PARD3B: variants seen among roughly 807,000 people sequenced by gnomAD.
PARD3B encodes partitioning defective 3 homolog B.
In PARD3B, 103 loss-of-function variants were observed where a neutral mutation model predicts 130.2. That is an observed-to-expected ratio of 0.79 (90% CI 0.67 to 0.93). PARD3B has a LOEUF of 0.93. Ranked by LOEUF, PARD3B falls within the 40% of genes least tolerant of loss-of-function variation. The pLI is 0.00. For synonymous variants in PARD3B, 583 were observed against 553.2 expected (o/e 1.05, Z -0.76); for missense variants, 1,609 against 1,499.2 (o/e 1.07, Z -1.21).
intron 3 of PARD3B, among the ~76,000 whole-genome samples, chr2:205,008,161 G>T (rs1263138653): frequency 1.3e-5 from 2 of 151,978 alleles, no homozygotes; most frequent in Non-Finnish European, 2.9e-5. Flanking sequence ...TCCACATTTG[G>T]TGCATATCAT....
At chr2:204,831,585 A>G (rs1384507293) in intron 2 of PARD3B, among the ~76,000 whole-genome samples, 1 of 152,176 alleles carries the variant, frequency 6.6e-6, no homozygotes, top group Non-Finnish European at 1.5e-5. Flanking sequence ...GGTTACAGTT[A>G]GAGAGAAACA....
chr2:204,594,032 A>G (rs535120218), intron 1 of PARD3B, among the ~76,000 whole-genome samples: 1 of 152,362 alleles, frequency 6.6e-6, no homozygotes, highest in East Asian at 1.9e-4. Flanking sequence ...CAGTGGTTCC[A>G]TCAACACTCG....
Position 205,176,553 on chromosome 2 carries a change from T to C in PARD3B, c.1900T>C (p.Cys634Arg), listed in dbSNP as rs772630999. 1 of 1,611,660 alleles carries C rather than the reference T, an allele frequency of 6.2e-7. No individual in the cohort carries two copies. Among genetic ancestry groups the C allele is most frequent in the Non-Finnish European group, 8.5e-7 (1 of 1,178,766 alleles). Residue 634 changes from cysteine (C) to arginine (R), a missense_variant, in exon 13 of 23, where the codon TGC (cysteine) becomes CGC (arginine). Transcript: ENST00000406610. This position sits in a 1 kb window ranked among gnomAD's most constrained non-coding sequence, Gnocchi z 5.3. ...DNSILHPLGT[C>R]SPQDKQKGLL... is the part of the protein sequence containing the mutation. ...TAGTATCCTGCATCCACTTGGCACT[T>C]GCAGTCCACAAGACAAACAGAAAGG...
chr2:205,415,477 A>G (rs2046743301), intron 19 of PARD3B, among the ~76,000 whole-genome samples: 1 of 152,212 alleles, frequency 6.6e-6, no homozygotes, highest in Non-Finnish European at 1.5e-5. Context: ...ATCCAATGCC[A>G]AGAAAACTGA....
At position 204,545,583 on chromosome 2, in the gene PARD3B, C is replaced by T. The variant is rs2029875158; in HGVS notation, c.-417C>T. On this transcript the variant is annotated 5_prime_UTR_variant, in exon 1 of 23. Coordinates refer to ENST00000406610, the MANE Select transcript of PARD3B (RefSeq NM_001302769.2). Reference sequence around the variant, plus strand: ...GCCGCCGCCGCCGCCCACTCCAGCCCCCGGCTTGGGGCCGGCCCTGCCAAC... The same window carrying T: ...GCCGCCGCCGCCGCCCACTCCAGCCTCCGGCTTGGGGCCGGCCCTGCCAAC... Among the ~76,000 whole-genome samples, 1 of 152,064 alleles carries T rather than the reference C, an allele frequency of 6.6e-6. No homozygotes were observed. The highest frequency in any genetic ancestry group is 1.5e-5 in the Non-Finnish European group (1 of 67,982).
At chr2:205,502,237 CAAGTTAAGA>C (rs932439003) in intron 21 of PARD3B, among the ~76,000 whole-genome samples, 16 of 152,166 alleles carry the variant, frequency 1.1e-4, no homozygotes, top group African/African-American at 3.9e-4. Flanking sequence ...TCTAGGAAAG[CAAGTTAAGA>C]AAGTTAACAT....
At chr2:205,419,556 T>C (rs1045997684) in intron 19 of PARD3B, among the ~76,000 whole-genome samples, 2 of 152,106 alleles carry the variant, frequency 1.3e-5, no homozygotes, top group Non-Finnish European at 2.9e-5. Flanking sequence ...CCCCCATCTA[T>C]TGACATAGAT....
At chr2:205,211,644 C>T (rs1433639694) in intron 15 of PARD3B, among the ~76,000 whole-genome samples, 1 of 152,092 alleles carries the variant, frequency 6.6e-6, no homozygotes, top group Non-Finnish European at 1.5e-5. Context: ...TCAATACCCA[C>T]TTGGTTTCTA....
chr2:204,939,887 C>A (rs1688770298), intron 2 of PARD3B, among the ~76,000 whole-genome samples: 1 of 152,132 alleles, frequency 6.6e-6, no homozygotes, highest in East Asian at 1.9e-4. Flanking sequence ...TTTTCTCAAG[C>A]CATTGGCCCC....
At chr2:205,283,112 G>A (rs899579124) in intron 16 of PARD3B, among the ~76,000 whole-genome samples, 13 of 152,270 alleles carry the variant, frequency 8.5e-5, no homozygotes, top group African/African-American at 2.6e-4. Context: ...TGGCTGCTCC[G>A]CTCTATCTTA....
Position 205,125,868 on chromosome 2 carries a change from G to A in PARD3B, c.1434+131G>A. ...TAACCAAAATTGAATCACACTCAGG[G>A]TATTTTACCCCATTTGGGGTATCGC... On this transcript the variant is annotated intron_variant, in intron 10 of 22. Transcript: ENST00000406610. The surrounding 1 kb of genome is among the most constrained non-coding windows in gnomAD (Gnocchi z 4.0). 8 of 1,260,918 alleles carry A rather than the reference G, an allele frequency of 6.3e-6. 1 individual carries two copies. In the South Asian group the frequency reaches 1.2e-4, roughly 18 times the overall value. The allele number at this position is 1,260,918 out of a possible 1,614,324, so 78.1% of individuals were successfully genotyped here. A position where few individuals can be genotyped will look rare whatever the true frequency, so the allele number is the denominator to read the frequency against.
chr2:204,783,387 G>C (rs1257142778), intron 2 of PARD3B, among the ~76,000 whole-genome samples: 1 of 152,034 alleles, frequency 6.6e-6, no homozygotes, highest in Admixed American at 6.6e-5. Flanking sequence ...TTTAAAGTCG[G>C]TTCTTTTCTT....
chr2:205,455,616 A>G lies in PARD3B; in HGVS notation c.3044+14944A>G, dbSNP rs554692345. On this transcript the variant is annotated intron_variant, in intron 20 of 22. Transcript: ENST00000406610. ...ATTTGTCTTTACATTTTCTGTAACC[A>G]TATAGTTATAATTATTATATAGTCA... Among the ~76,000 whole-genome samples the G allele has an allele frequency of 3.0e-4, 46 of 152,060 alleles. No individual in the cohort carries two copies. In the South Asian group the frequency reaches 9.1e-3, roughly 30 times the overall value.
At chr2:205,095,433 C>G in intron 4 of PARD3B, among the ~76,000 whole-genome samples, 1 of 152,108 alleles carries the variant, frequency 6.6e-6, no homozygotes, top group Non-Finnish European at 1.5e-5. Flanking sequence ...TGTTGAACTT[C>G]TAAACTTCTA....
At position 205,300,417 on chromosome 2, in the gene PARD3B, C is replaced by T; in HGVS notation, c.2186-113C>T. The T allele has an allele frequency of 1.0e-6, 1 of 983,166 alleles. No homozygotes were observed. The highest frequency in any genetic ancestry group is 1.6e-6 in the Non-Finnish European group (1 of 642,050). The allele number at this position is 983,166 out of a possible 1,614,324, so 60.9% of individuals were successfully genotyped here. On this transcript the variant is annotated intron_variant, in intron 16 of 22. Transcript: ENST00000406610. This position sits in a 1 kb window ranked among gnomAD's most constrained non-coding sequence, Gnocchi z 4.1. Reference sequence around the variant, plus strand: ...AGCTGGAGTATAACCCCAACTCCCACCCACTTAACACCCCTTTTTTGGGAT... The same window carrying T: ...AGCTGGAGTATAACCCCAACTCCCATCCACTTAACACCCCTTTTTTGGGAT...
chr2:204,997,071 G>T (rs376131888), intron 3 of PARD3B, among the ~76,000 whole-genome samples: 1 of 152,112 alleles, frequency 6.6e-6, no homozygotes, highest in Non-Finnish European at 1.5e-5. Flanking sequence ...GCTGTAGACC[G>T]GAGCTGTTCC....
intron 18 of PARD3B, among the ~76,000 whole-genome samples, chr2:205,344,950 T>G (rs543939067): frequency 1.6e-4 from 24 of 152,310 alleles, no homozygotes; most frequent in African/African-American, 5.5e-4. Context: ...CATTTAACTT[T>G]TGTTTGATTT....
intron 2 of PARD3B, among the ~76,000 whole-genome samples, chr2:204,937,727 T>C (rs1361071478): frequency 6.6e-6 from 1 of 152,208 alleles, no homozygotes; most frequent in Non-Finnish European, 1.5e-5. Context: ...CTCTTGATGT[T>C]AGCAGCTGTA....
intron 6 of PARD3B, 112 bp from the exon 7 acceptor site, chr2:205,118,808 TA>T: frequency 2.4e-6 from 2 of 834,386 alleles, no homozygotes; most frequent in Non-Finnish European, 3.4e-6. Context: ...GAATATAAAG[TA>T]AAATTTCTTT....
Sources: gnomAD v4.1 joint callset for allele counts (sites outside exome capture counted in the v4.1 genomes callset) on GRCh38, gnomAD v4.1.1 for gene constraint, Gnocchi (gnomAD v3.1) non-coding constraint, MANE v1.5 for transcripts, NCBI Gene and HGNC (gene_info 2026-07-23, HGNC 2026-07-21) for gene names.